The following EDIL3 variants were observed in gnomAD, a reference collection of about 807,000 sequenced individuals.
The protein encoded by EDIL3 is EGF-like repeat and discoidin I-like domain-containing protein 3.
In EDIL3, 37 loss-of-function variants were observed where a neutral mutation model predicts 67.4. The ratio of observed to expected loss-of-function variants is 0.55; its 90% CI spans 0.42 to 0.72. The LOEUF is 0.72. Ranked by LOEUF, EDIL3 falls within the 30% of genes least tolerant of loss-of-function variation. The pLI, the probability that EDIL3 is intolerant of heterozygous loss-of-function variation, is 0.00. For missense variants in EDIL3, 527 were observed against 586.3 expected (o/e 0.90, Z 1.04); for synonymous variants, 195 against 196.3 (o/e 0.99, Z 0.05).
chr5:84,266,133 AAAG>A (rs1325000038), intron 1 of EDIL3, among the ~76,000 whole-genome samples: 3 of 152,214 alleles, frequency 2.0e-5, no homozygotes, highest in Non-Finnish European at 2.9e-5. Flanking sequence ...GACTTGCTGA[AAAG>A]AAGACATTAA....
At chr5:84,285,039 T>C (rs1459370263) in intron 1 of EDIL3, among the ~76,000 whole-genome samples, 1 of 152,162 alleles carries the variant, frequency 6.6e-6, no homozygotes, top group East Asian at 1.9e-4. Context: ...ACAAGAGTGT[T>C]TCTAAAGGCA....
chr5:84,348,263 A>G (rs1747273645), intron 1 of EDIL3, among the ~76,000 whole-genome samples: 1 of 152,118 alleles, frequency 6.6e-6, no homozygotes, highest in South Asian at 2.1e-4. Context: ...GGGCTGATCC[A>G]TAGGGAGGTA....
chr5:84,384,831 G>C lies in EDIL3; in HGVS notation c.-457C>G, dbSNP rs1213351373. On this transcript the variant is annotated 5_prime_UTR_variant, in exon 1 of 11. Coordinates refer to ENST00000296591, the MANE Select transcript of EDIL3 (RefSeq NM_005711.5). ...AATGAAGCGTGAGCTGGAGGGGAGCGAGCGGGCCGCCGGGAGCGCACTGTG... is the reference window on the plus strand; with the variant it reads ...AATGAAGCGTGAGCTGGAGGGGAGCCAGCGGGCCGCCGGGAGCGCACTGTG... 6.6e-6 allele frequency: 1 copy of C among 152,230 alleles called. No homozygotes were observed. The highest frequency in any genetic ancestry group is 1.5e-5 in the Non-Finnish European group (1 of 68,150). The allele number at this position is 152,230 out of a possible 1,614,324, so 9.4% of individuals were successfully genotyped here.
chr5:84,177,634 A>G (rs1216484182), intron 4 of EDIL3, among the ~76,000 whole-genome samples: 1 of 152,142 alleles, frequency 6.6e-6, no homozygotes, highest in Non-Finnish European at 1.5e-5. Context: ...TATCACAGCA[A>G]TGAGATATGT....
intron 6 of EDIL3, among the ~76,000 whole-genome samples, chr5:84,073,192 T>C (rs1031474191): frequency 6.6e-6 from 1 of 152,150 alleles, no homozygotes; most frequent in African/African-American, 2.4e-5. Flanking sequence ...TGATGGGACG[T>C]ATCTCAAAAT....
At chr5:84,256,463 C>A (rs770823737) in intron 1 of EDIL3, among the ~76,000 whole-genome samples, 1 of 152,068 alleles carries the variant, frequency 6.6e-6, no homozygotes, top group Non-Finnish European at 1.5e-5. Flanking sequence ...GAGGAGAGAG[C>A]GTATGCTTAA....
At chr5:84,217,269 T>C (rs72776550) in intron 3 of EDIL3, among the ~76,000 whole-genome samples, 13,445 of 152,208 alleles carry the variant, frequency 0.088, 787 homozygotes, top group Middle Eastern at 0.19. Flanking sequence ...TTAATTATGA[T>C]TAAACATTGG....
intron 8 of EDIL3, among the ~76,000 whole-genome samples, chr5:84,062,339 C>T (rs57207585): frequency 6.6e-6 from 1 of 152,010 alleles, no homozygotes; most frequent in Non-Finnish European, 1.5e-5. Context: ...ATCCCACCCC[C>T]CAAGTCTTTG....
intron 6 of EDIL3, among the ~76,000 whole-genome samples, chr5:84,072,920 C>G (rs1479277984): frequency 6.6e-6 from 1 of 152,004 alleles, no homozygotes; most frequent in Non-Finnish European, 1.5e-5. Flanking sequence ...AGCAACAGGA[C>G]AGTGTATTGC....
rs543714290 is a variant in EDIL3 at position 84,060,238 on chromosome 5, C to T, written c.1137+62G>A. ...GTAACGACTCTGACACTCACCTAAT[C>T]AACAGGAAATCTTCTAAGAAAGAGG... On this transcript the variant is annotated intron_variant, in intron 9 of 10. Transcript: ENST00000296591. 716 of 1,576,892 alleles carry T rather than the reference C, an allele frequency of 4.5e-4. 3 individuals carry two copies. The highest frequency in any genetic ancestry group is 4.9e-4 in the Non-Finnish European group (568 of 1,159,274).
intron 5 of EDIL3, among the ~76,000 whole-genome samples, chr5:84,117,375 C>T (rs951146332): frequency 4.6e-5 from 7 of 152,068 alleles, no homozygotes; most frequent in African/African-American, 1.2e-4. Flanking sequence ...AAACAATATA[C>T]AGAATTTGCT....
At chr5:83,945,697 C>T (rs1431662266) in intron 10 of EDIL3, among the ~76,000 whole-genome samples, 1 of 151,784 alleles carries the variant, frequency 6.6e-6, no homozygotes. Flanking sequence ...TATATCAGCT[C>T]TGGAACTGAA....
chr5:84,039,408 C>T (rs1561411594), intron 9 of EDIL3, among the ~76,000 whole-genome samples: 1 of 152,144 alleles, frequency 6.6e-6, no homozygotes, highest in Non-Finnish European at 1.5e-5. Flanking sequence ...AGCATCTTTA[C>T]CACCAGAACG....
chr5:84,119,216 T>TTG (rs1554068797), intron 5 of EDIL3, among the ~76,000 whole-genome samples: 1 of 144,502 alleles, frequency 6.9e-6, no homozygotes, highest in Non-Finnish European at 1.5e-5. Context: ...CATTTGGTTT[T>TTG]TTTTTTTTTT....
At chr5:84,126,036 A>G (rs1210930233) in intron 5 of EDIL3, among the ~76,000 whole-genome samples, 3 of 151,976 alleles carry the variant, frequency 2.0e-5, no homozygotes, top group Non-Finnish European at 4.4e-5. Flanking sequence ...ATCTCTCTAC[A>G]GGTTACAAAG....
rs932045755 is a variant in EDIL3, at chr5:84,384,434, C to T, written c.-60G>A. On this transcript the variant is annotated 5_prime_UTR_variant, in exon 1 of 11. Coordinates refer to ENST00000296591, the MANE Select transcript of EDIL3 (RefSeq NM_005711.5). ...GGGGTCGTCGCGGAGGGCAGTGTAG[C>T]CGAGGTGGCAGCGCAGGGCAGCAGC... 1.9e-6 allele frequency: 3 copies of T among 1,577,980 alleles called. No homozygotes were observed. Among genetic ancestry groups the T allele is most frequent in the Middle Eastern group, 1.7e-4 (1 of 5,988 alleles).
intron 2 of EDIL3, among the ~76,000 whole-genome samples, chr5:84,246,638 T>G (rs1744913898): frequency 6.6e-6 from 1 of 152,214 alleles, no homozygotes; most frequent in Admixed American, 6.5e-5. Context: ...CATTGTCTTT[T>G]CTTACAAATA....
chr5:84,179,589 A>G (rs1438964146), intron 4 of EDIL3, among the ~76,000 whole-genome samples: 1 of 152,084 alleles, frequency 6.6e-6, no homozygotes, highest in Non-Finnish European at 1.5e-5. Flanking sequence ...CCATTGTCTT[A>G]CCCATCAATA....
At chr5:83,961,650 G>T (rs1278329113) in intron 10 of EDIL3, among the ~76,000 whole-genome samples, 6 of 150,878 alleles carry the variant, frequency 4.0e-5, no homozygotes, top group African/African-American at 1.5e-4. Flanking sequence ...TTAATTTCAA[G>T]CCTGTATAAC....
Sources: allele counts gnomAD v4.1 joint callset (sites outside exome capture counted in the v4.1 genomes callset), GRCh38; gene constraint gnomAD v4.1.1; transcripts MANE v1.5; gene names NCBI Gene and HGNC (gene_info 2026-07-23, HGNC 2026-07-21).